Variants in LTBR observed in about 807,000 individuals in gnomAD.
LTBR encodes lymphotoxin beta receptor.
A neutral mutation model predicts 45.4 loss-of-function variants in LTBR; 15 were observed. The observed-to-expected ratio is 0.33, with a 90% CI of 0.22 to 0.51. The LOEUF (loss-of-function observed/expected upper bound fraction) is 0.51. Ranked by LOEUF, LTBR falls within the 20% of genes least tolerant of loss-of-function variation. LTBR has a pLI of 0.97. For missense variants in LTBR, 450 were observed against 565.5 expected, an observed-to-expected ratio of 0.80 and a Z score of 2.07; for synonymous variants, 228 against 231.0, an observed-to-expected ratio of 0.99 and a Z score of 0.12.
chr12:6,391,091 C>A lies in LTBR; in HGVS notation c.*154C>A. ...TCAGACACCTCTGAGAGCAGGTGGG[C>A]ACTGGCTGGGTACGGTGCCCTCCAC... is the stretch of plus-strand genomic sequence containing the variant. On this transcript the variant is annotated 3_prime_UTR_variant, in exon 10 of 10. Transcript: ENST00000228918. 1.3e-6 allele frequency: 1 copy of A among 783,154 alleles called. No individual in the cohort carries two copies. Among genetic ancestry groups the A allele is most frequent in the Non-Finnish European group, 1.9e-6 (1 of 535,660 alleles). 48.5% of individuals were successfully genotyped at this position (783,154 alleles called of 1,614,324 possible).
rs1489075486 is a variant in LTBR, at chr12:6,390,802, G to A, written c.1173G>A (p.Glu391=). The change falls in exon 10 of 10, where the codon GAG becomes GAA. Residue 391 remains glutamate, a synonymous_variant. Coordinates refer to ENST00000228918, the MANE Select transcript of LTBR (RefSeq NM_002342.3). ...AACCTCCATACCCCATTCCCGAAGA[G>A]GGGGACCCTGGCCCTCCCGGGCTCT... ...TPEPPYPIPE[E]GDPGPPGLST... The A allele has an allele frequency of 8.1e-6, 13 of 1,611,006 alleles. No homozygotes were observed. Among genetic ancestry groups the A allele is most frequent in the African/African-American group, 1.3e-5 (1 of 74,904 alleles).
At chr12:6,377,371 T>C (rs987402733) in intron 1 of LTBR, 1 of 987,514 alleles carries the variant, frequency 1.0e-6, no homozygotes, top group Non-Finnish European at 1.5e-6. Context: ...GAAAACAAAA[T>C]AGGAGCAGAG....
intron 1 of LTBR, chr12:6,377,656 C>T (rs1948933141): frequency 7.7e-7 from 1 of 1,305,300 alleles, no homozygotes; most frequent in Non-Finnish European, 1.0e-6. Flanking sequence ...TCCCTTGAGC[C>T]AGGTCCTTAC....
chr12:6,377,228 T>G (rs1207539221), intron 1 of LTBR: 22 of 1,543,010 alleles, frequency 1.4e-5, no homozygotes, highest in Non-Finnish European at 1.8e-5. Context: ...CAACCAGGAT[T>G]CCAAACCAGG....
At position 6,388,637 on chromosome 12, in the gene LTBR, C is replaced by A; in HGVS notation, c.775+132C>A. ...CCCCCAACATAGACATCCTTATCTT[C>A]ATCCAGCTGCTTATTCTGAGGCTGG... On this transcript the variant is annotated intron_variant, in intron 7 of 9. Transcript: ENST00000228918. This position sits in a 1 kb window ranked among gnomAD's most constrained non-coding sequence, Gnocchi z 4.3. The A allele has an allele frequency of 9.1e-7, 1 of 1,099,496 alleles. No individual in the cohort carries two copies. The highest frequency in any genetic ancestry group is 1.3e-5 in the South Asian group (1 of 75,176). The allele number at this position is 1,099,496 out of a possible 1,614,324, so 68.1% of individuals were successfully genotyped here.
rs763993157 is a variant in LTBR, at chr12:6,385,115, C to T, written c.287C>T (p.Thr96Ile). ...NSYNEHWNYL[T>I]ICQLCRPCDP... The stretch of plus-strand genomic sequence containing the variant: ...TACAACGAGCACTGGAACTACCTGA[C>T]CATCTGCCAGCTGTGCCGCCCCTGT... The change falls in exon 3 of 10, where the codon ACC (threonine) becomes ATC (isoleucine). Residue 96 changes from threonine (T) to isoleucine (I), a missense_variant. By Grantham distance (89) the Thr-to-Ile change is moderately conservative (BLOSUM62 -1). Around this residue, in one of 3 missense-constraint regions of LTBR, gnomAD observed 367 missense variants for 435.4 expected, o/e 0.84. Coordinates refer to ENST00000228918, the MANE Select transcript of LTBR (RefSeq NM_002342.3). 6.2e-6 allele frequency: 10 copies of T among 1,614,236 alleles called. No individual in the cohort carries two copies. The highest frequency in any genetic ancestry group is 8.5e-6 in the Non-Finnish European group (10 of 1,180,042).
At chr12:6,379,957 A>G (rs1318820450), upstream of LTBR, among the ~76,000 whole-genome samples, 2 of 151,656 alleles carry the variant, frequency 1.3e-5, no homozygotes, top group Non-Finnish European at 2.9e-5. Flanking sequence ...ACAAAAAAAA[A>G]AACAAAAAAA....
At chr12:6,375,481 A>G in exon 1 of LTBR, 1 of 1,535,542 alleles carries the variant, frequency 6.5e-7, no homozygotes, top group Non-Finnish European at 8.7e-7. Context: ...TGAATCTGGC[A>G]GCCAAACCTC....
intron 1 of LTBR, chr12:6,376,137 GAA>G (rs1482158565): frequency 2.0e-6 from 2 of 986,342 alleles, no homozygotes; most frequent in East Asian, 2.3e-4. Flanking sequence ...GCCCTGCAGA[GAA>G]GAGAGAAGAG....
rs1202785365 is a variant in LTBR at position 6,390,819 on chromosome 12, C to T, written c.1190C>T (p.Pro397Leu). 1 of 1,611,840 alleles carries T rather than the reference C, an allele frequency of 6.2e-7. No individual in the cohort carries two copies. Among genetic ancestry groups the T allele is most frequent in the Non-Finnish European group, 8.5e-7 (1 of 1,178,852 alleles). ...CCCGAAGAGGGGGACCCTGGCCCTC[C>T]CGGGCTCTCTACACCCCACCAGGAA... ...PIPEEGDPGP[P>L]GLSTPHQEDG... The change falls in exon 10 of 10, where the codon CCC becomes CTC. Residue 397 changes from proline (P) to leucine (L), a missense_variant. By Grantham distance (98) the Pro-to-Leu change is moderately conservative. Coordinates refer to ENST00000228918, the MANE Select transcript of LTBR (RefSeq NM_002342.3).
chr12:6,379,604 A>G (rs971455746), upstream of LTBR, among the ~76,000 whole-genome samples: 4 of 152,196 alleles, frequency 2.6e-5, no homozygotes, highest in Non-Finnish European at 4.4e-5. Flanking sequence ...GCCACTCTTC[A>G]TCTAGTCCCC....
upstream of LTBR, among the ~76,000 whole-genome samples, chr12:6,382,485 C>G (rs184516889): frequency 6.6e-6 from 1 of 152,152 alleles, no homozygotes; most frequent in East Asian, 1.9e-4. Context: ...TTCCTTTACG[C>G]GTTTAAGAGC....
At chr12:6,379,271 G>A (rs74059240), upstream of LTBR, among the ~76,000 whole-genome samples, 4,040 of 152,176 alleles carry the variant, frequency 0.027, 173 homozygotes, top group African/African-American at 0.085. Context: ...CAGAACTGGC[G>A]TCTTTCCTAG....
chr12:6,388,162 G>A lies in LTBR; in HGVS notation c.668-236G>A, dbSNP rs1200901289. On this transcript the variant is annotated intron_variant, in intron 6 of 9. Coordinates refer to ENST00000228918, the MANE Select transcript of LTBR (RefSeq NM_002342.3). The surrounding 1 kb of genome is among the most constrained non-coding windows in gnomAD (Gnocchi z 4.3). ...ACCACCCCCAAACATGCCCATCCAT[G>A]ATACAGTCTCTCCTGGCTGCCAAGA... 4.0e-6 allele frequency: 2 copies of A among 501,642 alleles called. No individual in the cohort carries two copies. The highest frequency in any genetic ancestry group is 7.3e-6 in the Non-Finnish European group (2 of 274,394). 31.1% of individuals were successfully genotyped at this position (501,642 alleles called of 1,614,324 possible).
chr12:6,377,381 G>T, intron 1 of LTBR: 4 of 907,838 alleles, frequency 4.4e-6, no homozygotes, highest in Admixed American at 4.8e-5. Flanking sequence ...TAGGAGCAGA[G>T]CTATAAACAG....
At chr12:6,379,380 T>C (rs1283362179), upstream of LTBR, among the ~76,000 whole-genome samples, 2 of 152,232 alleles carry the variant, frequency 1.3e-5, no homozygotes, top group African/African-American at 4.8e-5. Context: ...GGTCTATTAA[T>C]TTATCTAAAT....
chr12:6,390,131 T>C lies in LTBR; in HGVS notation c.821T>C (p.Val274Ala), dbSNP rs756591790. ...CTGCAGGGAGAGGGACCCAATCCTG[T>C]AGCTGGAAGCTGGGAGCCTCCGAAG... is the stretch of plus-strand genomic sequence containing the variant. ...RRPQGEGPNPVAGSWEPPKAH... is the reference protein window; with the variant it reads ...RRPQGEGPNPAAGSWEPPKAH... The change falls in exon 9 of 10, where the codon GTA (valine) becomes GCA (alanine). Residue 274 changes from valine (V) to alanine (A), a missense_variant. Coordinates refer to ENST00000228918, the MANE Select transcript of LTBR (RefSeq NM_002342.3). The C allele has an allele frequency of 2.0e-5, 33 of 1,613,986 alleles. No homozygotes were observed. In the South Asian group the frequency reaches 3.3e-4, roughly 16 times the overall value.
Position 6,384,240 on chromosome 12 carries a change from C to T in LTBR, c.-119C>T. The T allele has an allele frequency of 1.4e-6, 2 of 1,397,912 alleles. No homozygotes were observed. Among genetic ancestry groups the T allele is most frequent in the South Asian group, 1.6e-5 (1 of 61,826 alleles). The allele number at this position is 1,397,912 out of a possible 1,614,324, so 86.6% of individuals were successfully genotyped here. ...TCCCGGCCCTGGGGTGCACATCGGC[C>T]CTGAGTCCCGTCCCAGGCTCTGGGC... On this transcript the variant is annotated 5_prime_UTR_variant, in exon 1 of 10. Transcript: ENST00000228918.
rs1949026789 is a variant in LTBR, at chr12:6,385,279, C to T, written c.372C>T (p.Cys124=). The T allele has an allele frequency of 6.2e-7, 1 of 1,614,134 alleles. No homozygotes were observed. Among genetic ancestry groups the T allele is most frequent in the Non-Finnish European group, 8.5e-7 (1 of 1,180,034 alleles). ...APCTSKRKTQ[C]RCQPGMFCAA... Reference sequence around the variant, plus strand: ...GCACAAGCAAACGGAAGACCCAGTGCCGCTGCCAGCCGGGAATGTTCTGTG... The same window carrying T: ...GCACAAGCAAACGGAAGACCCAGTGTCGCTGCCAGCCGGGAATGTTCTGTG... The change falls in exon 4 of 10, where the codon TGC becomes TGT. Residue 124 remains cysteine, a synonymous_variant. Transcript: ENST00000228918.
Sources: allele counts gnomAD v4.1 joint callset (sites outside exome capture counted in the v4.1 genomes callset), GRCh38; gene constraint gnomAD v4.1.1; regional missense constraint gnomAD v4.1.1; non-coding constraint Gnocchi (gnomAD v3.1); transcripts MANE v1.5; gene names NCBI Gene and HGNC (gene_info 2026-07-23, HGNC 2026-07-21).